The following SNX25 variants were observed in gnomAD, a reference collection of about 807,000 sequenced individuals.
SNX25 encodes the protein sorting nexin 25, also known as sorting nexin-25.
Under a neutral mutation model 113.7 loss-of-function variants are expected in SNX25, and 62 were observed. That is an observed-to-expected ratio of 0.55 (90% CI 0.44 to 0.67). SNX25 has a LOEUF of 0.67. Among genes scored for constraint, SNX25 ranks in the 30% least tolerant of loss-of-function variants. The pLI, the probability that SNX25 is intolerant of heterozygous loss-of-function variation, is 0.00. For synonymous variants in SNX25, 421 were observed against 436.2 expected (o/e 0.97, Z 0.43); for missense variants, 1,014 against 1,161.0 (o/e 0.87, Z 1.84).
intron 5 of SNX25, among the ~76,000 whole-genome samples, chr4:185,276,560 A>G (rs1055681489): frequency 4.6e-5 from 7 of 152,216 alleles, no homozygotes; most frequent in African/African-American, 1.7e-4. Context: ...TGCTTTCTAA[A>G]ACAACCTCAG....
In SNX25 at chr4:185,249,454, C is replaced by T. The variant is rs530108527; in HGVS notation, c.514+2076C>T. On this transcript the variant is annotated intron_variant, in intron 2 of 18. Transcript: ENST00000652585. ...TTATTTGTGATGTGTCTATGCAAGT[C>T]TTTTTTAAACTTATAATTTATTTAT... Among the ~76,000 whole-genome samples, 20 of 152,164 alleles carry T rather than the reference C, an allele frequency of 1.3e-4. No homozygotes were observed. In the East Asian group the frequency reaches 3.7e-3, roughly 28 times the overall value.
intron 5 of SNX25, among the ~76,000 whole-genome samples, chr4:185,281,572 C>T (rs937170567): frequency 6.6e-6 from 1 of 152,128 alleles, no homozygotes; most frequent in Non-Finnish European, 1.5e-5. Flanking sequence ...CTCATTTATC[C>T]AGCAGTCCCT....
upstream of SNX25, among the ~76,000 whole-genome samples, chr4:185,204,781 T>G (rs992266529): frequency 6.6e-6 from 1 of 151,810 alleles, no homozygotes; most frequent in African/African-American, 2.4e-5. Context: ...GAGGTTGGAG[T>G]GATGTCAGAG....
intron 6 of SNX25, among the ~76,000 whole-genome samples, chr4:185,298,874 T>A (rs575984150): frequency 6.6e-5 from 10 of 152,192 alleles, no homozygotes; most frequent in African/African-American, 2.4e-4. Context: ...TGAGTGCTGT[T>A]AGATCCGTCA....
At chr4:185,289,832 T>C (rs1480180666) in intron 6 of SNX25, among the ~76,000 whole-genome samples, 1 of 152,160 alleles carries the variant, frequency 6.6e-6, no homozygotes, top group Non-Finnish European at 1.5e-5. Context: ...ATACCTTTCT[T>C]ATTTTGTTAT....
At chr4:185,211,663 C>G (rs941364384) in intron 1 of SNX25, among the ~76,000 whole-genome samples, 1 of 152,234 alleles carries the variant, frequency 6.6e-6, no homozygotes, top group Admixed American at 6.5e-5. Context: ...ATATCCTGCT[C>G]TCTGGAGATC....
chr4:185,330,988 T>C (rs2095190595), intron 9 of SNX25, among the ~76,000 whole-genome samples: 1 of 152,222 alleles, frequency 6.6e-6, no homozygotes, highest in Non-Finnish European at 1.5e-5. Context: ...TTAAAATATC[T>C]ATACTCAGCA....
At chr4:185,244,331 C>T (rs943866227) in intron 1 of SNX25, among the ~76,000 whole-genome samples, 10 of 152,196 alleles carry the variant, frequency 6.6e-5, no homozygotes, top group African/African-American at 1.2e-4. Context: ...TTGGTTTTAT[C>T]ATTTGATCAG....
chr4:185,231,144 G>T (rs1334502190), intron 1 of SNX25, among the ~76,000 whole-genome samples: 8 of 149,848 alleles, frequency 5.3e-5, no homozygotes, highest in African/African-American at 2.0e-4. Context: ...TGTCGCCCAG[G>T]CTGGAGTGCA....
intron 15 of SNX25, among the ~76,000 whole-genome samples, chr4:185,354,130 G>A (rs190587182): frequency 5.3e-4 from 80 of 151,854 alleles, no homozygotes; most frequent in African/African-American, 1.8e-3. Flanking sequence ...GTAACATAGC[G>A]TCCTGATTTA....
chr4:185,285,936 C>CTAATTTTTTTTTTT (rs554267571), intron 5 of SNX25, among the ~76,000 whole-genome samples: 5,639 of 130,984 alleles, frequency 0.043, 334 homozygotes, highest in African/African-American at 0.14. Context: ...CCATGCCCAG[C>CTAATTTTTTTTTTT]TAATTTTTTT....
At chr4:185,375,858 A>C in the SNX25 span, 1 of 493,282 alleles carries the variant, frequency 2.0e-6, no homozygotes, top group Non-Finnish European at 3.7e-6. Context: ...ATCTGAACCC[A>C]TGCCCCACGC....
chr4:185,373,524 A>G (rs1176133482), downstream of SNX25, among the ~76,000 whole-genome samples: 1 of 152,242 alleles, frequency 6.6e-6, no homozygotes, highest in Non-Finnish European at 1.5e-5. Flanking sequence ...TAAACGCTGT[A>G]TGTAGGCTCA....
intron 6 of SNX25, among the ~76,000 whole-genome samples, chr4:185,306,112 C>T (rs1281611366): frequency 6.6e-6 from 1 of 152,212 alleles, no homozygotes; most frequent in East Asian, 1.9e-4. Flanking sequence ...CACACCCACT[C>T]GCCTATACTT....
intron 1 of SNX25, among the ~76,000 whole-genome samples, chr4:185,212,476 T>C (rs1738003589): frequency 1.3e-5 from 1 of 78,016 alleles, no homozygotes; most frequent in Non-Finnish European, 2.8e-5. Flanking sequence ...TGTGTGTGTG[T>C]GTGTGTGTGT....
At chr4:185,219,259 T>C (rs187518884) in intron 1 of SNX25, among the ~76,000 whole-genome samples, 7 of 152,280 alleles carry the variant, frequency 4.6e-5, no homozygotes, top group African/African-American at 9.6e-5. Context: ...CTTAGGCATG[T>C]TTTTAAAAAA....
chr4:185,375,573 C>A, the SNX25 span: 1 of 993,176 alleles, frequency 1.0e-6, no homozygotes, highest in South Asian at 2.3e-5. Context: ...AATCCACTGA[C>A]AATGAAATCT....
At chr4:185,318,520 A>C (rs1167524279) in intron 7 of SNX25, among the ~76,000 whole-genome samples, 3 of 152,236 alleles carry the variant, frequency 2.0e-5, no homozygotes, top group African/African-American at 7.2e-5. Flanking sequence ...GGGCTTATTA[A>C]AAGGATGCTT....
intron 4 of SNX25, 122 bp from the exon 5 acceptor site, chr4:185,266,847 A>T (rs1470650604): frequency 3.3e-5 from 28 of 843,846 alleles, no homozygotes; most frequent in Non-Finnish European, 5.0e-5. Context: ...TATTATATAG[A>T]TATTCCCCTG....
Sources: gnomAD v4.1 joint callset for allele counts (sites outside exome capture counted in the v4.1 genomes callset) on GRCh38, gnomAD v4.1.1 for gene constraint, MANE v1.5 for transcripts, NCBI Gene and HGNC (gene_info 2026-07-23, HGNC 2026-07-21) for gene names.